GRB10: variants seen among roughly 807,000 people sequenced by gnomAD.
GRB10 encodes the protein growth factor receptor-bound protein 10.
In GRB10, 20 loss-of-function variants were observed where a neutral mutation model predicts 80.9. The observed-to-expected ratio is 0.25, with a 90% CI of 0.17 to 0.36. GRB10 has a LOEUF of 0.36. GRB10 is among the 10% of genes least tolerant of loss of function. GRB10 has a pLI of 1.00. For missense variants in GRB10, 548 were observed against 747.7 expected (o/e 0.73, Z 3.12); for synonymous variants, 291 against 291.5 (o/e 1.00, Z 0.02).
At chr7:50,630,423 A>C (rs1383015175) in intron 7 of GRB10, among the ~76,000 whole-genome samples, 5 of 152,116 alleles carry the variant, frequency 3.3e-5, no homozygotes, top group Non-Finnish European at 7.4e-5. Flanking sequence ...TTAATGAGAT[A>C]CCCTCTTGAA....
At chr7:50,602,435 C>A (rs2047769715) in intron 17 of GRB10, among the ~76,000 whole-genome samples, 1 of 152,198 alleles carries the variant, frequency 6.6e-6, no homozygotes. Context: ...ACCTGCCCTG[C>A]AGACACCAGG....
At chr7:50,606,291 G>A (rs1327025781) in intron 14 of GRB10, 46 bp downstream of exon 14, 3 of 1,440,276 alleles carry the variant, frequency 2.1e-6, no homozygotes, top group East Asian at 4.5e-5. Context: ...ATGTGATGCA[G>A]AAGCTGAAAA....
At chr7:50,629,880 C>T (rs1305677730) in intron 7 of GRB10, among the ~76,000 whole-genome samples, 1 of 152,230 alleles carries the variant, frequency 6.6e-6, no homozygotes, top group East Asian at 1.9e-4. Flanking sequence ...GCATCTCACA[C>T]GAGGTGGGCC....
rs564473925 is a variant in GRB10 at position 50,781,820 on chromosome 7, C to G, written c.-327+604G>C. Among the ~76,000 whole-genome samples the G allele has an allele frequency of 6.8e-4, 103 of 152,354 alleles. 1 individual carries two copies. The highest frequency in any genetic ancestry group is 3.8e-4 in the African/African-American group (16 of 41,590). On this transcript the variant is annotated intron_variant, in intron 1 of 18. Coordinates refer to ENST00000401949, the MANE Select transcript of GRB10 (RefSeq NM_001350814.2). ...TTGAACTCCATCAAGAACACGAACC[C>G]CATGCCCACATCTTCACTGCTCAAT...
At chr7:50,606,485 G>T in intron 13 of GRB10, 71 bp from the exon 14 acceptor site, 2 of 1,040,102 alleles carry the variant, frequency 1.9e-6, no homozygotes, top group Non-Finnish European at 1.5e-6. Flanking sequence ...AAACGCCACA[G>T]CAGGAAAGGG....
At chr7:50,666,017 G>T (rs17449259) in intron 7 of GRB10, among the ~76,000 whole-genome samples, 7,116 of 152,258 alleles carry the variant, frequency 0.047, 238 homozygotes, top group South Asian at 0.071. Flanking sequence ...CGAAGCCAGG[G>T]TGCAGTCATC....
chr7:50,639,673 CAA>C (rs544650823), intron 7 of GRB10, among the ~76,000 whole-genome samples: 61 of 125,264 alleles, frequency 4.9e-4, no homozygotes, highest in African/African-American at 6.5e-4. Flanking sequence ...GACTCTGTCT[CAA>C]AAAAAAAAAA....
chr7:50,715,582 G>T (rs1184745664), intron 4 of GRB10, among the ~76,000 whole-genome samples: 2 of 152,150 alleles, frequency 1.3e-5, no homozygotes, highest in African/African-American at 4.8e-5. Flanking sequence ...GACAAACTAT[G>T]ATTCTGAGCA....
intron 3 of GRB10, among the ~76,000 whole-genome samples, chr7:50,753,329 T>C (rs1014411426): frequency 6.6e-6 from 1 of 152,230 alleles, no homozygotes; most frequent in Non-Finnish European, 1.5e-5. Context: ...ACAGGATATC[T>C]TTCTACCAAA....
intron 5 of GRB10, among the ~76,000 whole-genome samples, chr7:50,679,213 C>T (rs915210163): frequency 5.3e-5 from 8 of 152,172 alleles, no homozygotes; most frequent in Non-Finnish European, 8.8e-5. Context: ...CACATCTCAT[C>T]TAGTTTCACT....
upstream of GRB10, among the ~76,000 whole-genome samples, chr7:50,786,970 C>T (rs2153715743): frequency 6.6e-6 from 1 of 152,340 alleles, no homozygotes; most frequent in South Asian, 2.1e-4. Context: ...ATTCACACAA[C>T]TCTGTAAGTT....
intron 8 of GRB10, among the ~76,000 whole-genome samples, chr7:50,619,852 T>A (rs1462521367): frequency 6.6e-6 from 1 of 152,150 alleles, no homozygotes; most frequent in East Asian, 1.9e-4. Context: ...ATGGAATAGT[T>A]CTTGTCAACC....
chr7:50,611,917 G>C (rs1457873261), intron 13 of GRB10, among the ~76,000 whole-genome samples: 1 of 152,092 alleles, frequency 6.6e-6, no homozygotes, highest in Admixed American at 6.5e-5. Context: ...AGCTCACCTG[G>C]GCCAGCTAAC....
intron 4 of GRB10, among the ~76,000 whole-genome samples, chr7:50,715,870 G>C (rs11763072): frequency 0.61 from 92,587 of 152,102 alleles, 31,341 homozygotes; most frequent in Middle Eastern, 0.86. Flanking sequence ...GCATGGGACA[G>C]TGATTCCTGA....
chr7:50,699,338 A>G (rs1001834361), intron 5 of GRB10, among the ~76,000 whole-genome samples: 1 of 152,250 alleles, frequency 6.6e-6, no homozygotes, highest in Non-Finnish European at 1.5e-5. Flanking sequence ...GTTCATGAAC[A>G]TGACTCTAAC....
intron 14 of GRB10, among the ~76,000 whole-genome samples, chr7:50,605,991 G>A (rs1405141877): frequency 6.6e-6 from 1 of 152,192 alleles, no homozygotes; most frequent in Non-Finnish European, 1.5e-5. Flanking sequence ...CAGTTCCCAT[G>A]GGTCCCAAGG....
Position 50,600,083 on chromosome 7 carries a change from C to T in GRB10, c.1544+3915G>A, listed in dbSNP as rs761532263. Among the ~76,000 whole-genome samples the T allele has an allele frequency of 2.6e-5, 4 of 152,140 alleles. No individual in the cohort carries two copies. The East Asian group carries it at 5.8e-4, about 22-fold the overall frequency. ...ATTCTCCAGCAGAGTGACGCTACCC[C>T]GAAGTGAGCCTGCGCTGCCTCCCAC... is the stretch of plus-strand genomic sequence containing the variant. On this transcript the variant is annotated intron_variant, in intron 17 of 18. Transcript: ENST00000401949.
chr7:50,593,862 G>A (rs1222305106), intron 18 of GRB10, among the ~76,000 whole-genome samples: 1 of 152,128 alleles, frequency 6.6e-6, no homozygotes, highest in Non-Finnish European at 1.5e-5. Context: ...ACATCCCACA[G>A]CCAGTTTTCA....
chr7:50,630,787 T>C (rs1173568686), intron 7 of GRB10, among the ~76,000 whole-genome samples: 4 of 152,190 alleles, frequency 2.6e-5, no homozygotes, highest in South Asian at 2.1e-4. Context: ...TTAGAGTTAG[T>C]TGGGGGAGGA....
Sources: gnomAD v4.1 joint callset for allele counts (sites outside exome capture counted in the v4.1 genomes callset) on GRCh38, gnomAD v4.1.1 for gene constraint, MANE v1.5 for transcripts, NCBI Gene and HGNC (gene_info 2026-07-23, HGNC 2026-07-21) for gene names.